SP5: variants seen among roughly 807,000 people sequenced by gnomAD.
The protein encoded by SP5 is transcription factor Sp5.
A neutral mutation model predicts 27.4 loss-of-function variants in SP5; 12 were observed. That is an observed-to-expected ratio of 0.44 (90% confidence interval 0.28 to 0.71). SP5 has a LOEUF of 0.71. Among genes scored for constraint, SP5 ranks in the 30% least tolerant of loss-of-function variants. SP5 has a pLI of 0.15. For synonymous variants in SP5, 330 were observed against 290.7 expected (o/e 1.14, Z -1.38); for missense variants, 660 against 589.8 (o/e 1.12, Z -1.23).
Position 170,717,384 on chromosome 2 carries a change from G to T in SP5, c.1177G>T (p.Glu393Ter). 1.2e-6 allele frequency: 2 copies of T among 1,611,124 alleles called. No homozygotes were observed. The highest frequency in any genetic ancestry group is 1.7e-6 in the Non-Finnish European group (2 of 1,179,978). ...AGTCGCTGAGGCCGGGGTTAAGCGG[G>T]AGGACGCGCGGGACCTGTGAGCCCT... is the stretch of plus-strand genomic sequence containing the variant. ...LKVAEAGVKR[E>*]DARDL Residue 393 changes from glutamate (E) to a stop codon, truncating the protein, a stop_gained, in exon 2 of 2, where the codon GAG becomes TAG. Transcript: ENST00000375281. LOFTEE classifies it high-confidence loss of function.
In SP5 at chr2:170,717,574, A is replaced by G. The variant is rs1320761403; in HGVS notation, c.*170A>G. On this transcript the variant is annotated 3_prime_UTR_variant, in exon 2 of 2. Coordinates refer to ENST00000375281, the MANE Select transcript of SP5 (RefSeq NM_001003845.3). Reference sequence around the variant, plus strand: ...CTTCGGACATAGGGACCCAGTTCCCAGGAGCGGGGAGGTAGGGTTGGGGCT... The same window carrying G: ...CTTCGGACATAGGGACCCAGTTCCCGGGAGCGGGGAGGTAGGGTTGGGGCT... 1 of 866,360 alleles carries G rather than the reference A, an allele frequency of 1.2e-6. No homozygotes were observed. Among genetic ancestry groups the G allele is most frequent in the Non-Finnish European group, 1.7e-6 (1 of 577,274 alleles). The allele number at this position is 866,360 out of a possible 1,614,324, so 53.7% of individuals were successfully genotyped here.
chr2:170,717,617 A>G lies in SP5; in HGVS notation c.*213A>G. On this transcript the variant is annotated 3_prime_UTR_variant, in exon 2 of 2. Transcript: ENST00000375281. ...TTGGGGCTGGGGCATTTGGATTGTA[A>G]TTGGGAGCTCTGCCGTACGCCAGGG... 1 of 657,450 alleles carries G rather than the reference A, an allele frequency of 1.5e-6. No homozygotes were observed. The highest frequency in any genetic ancestry group is 2.0e-5 in the South Asian group (1 of 50,724). 40.7% of individuals were successfully genotyped at this position (657,450 alleles called of 1,614,324 possible). A position where few individuals can be genotyped will look rare whatever the true frequency, so the allele number is the denominator to read the frequency against.
intron 1 of SP5, chr2:170,715,901 G>C: frequency 7.5e-7 from 1 of 1,331,406 alleles, no homozygotes; most frequent in Non-Finnish European, 9.5e-7. Context: ...AGGGAGAGCG[G>C]CCGGCCGGCG....
At chr2:170,716,025 C>T (rs1700057269) in intron 1 of SP5, 1 of 1,381,658 alleles carries the variant, frequency 7.2e-7, no homozygotes, top group African/African-American at 1.5e-5. Context: ...CGTCTCAGTG[C>T]ACCAAGTAGT....
At position 170,715,653 on chromosome 2, in the gene SP5, G is replaced by A. The variant is rs1288363103; in HGVS notation, c.51+90G>A. 1.5e-5 allele frequency: 22 copies of A among 1,475,176 alleles called. No individual in the cohort carries two copies. The East Asian group carries it at 6.1e-4, about 41-fold the overall frequency. The allele number at this position is 1,475,176 out of a possible 1,614,324, so 91.4% of individuals were successfully genotyped here. On this transcript the variant is annotated intron_variant, in intron 1 of 1. Coordinates refer to ENST00000375281, the MANE Select transcript of SP5 (RefSeq NM_001003845.3). ...TACTCCGTGCACCTTGAACCTCAAA[G>A]GGAACCCCGCCGATGGGTGCAGCTG...
Position 170,716,582 on chromosome 2 carries a change from C to T in SP5, c.375C>T (p.Phe125=). 6.2e-7 allele frequency: 1 copy of T among 1,610,392 alleles called. No individual in the cohort carries two copies. The highest frequency in any genetic ancestry group is 1.7e-5 in the Admixed American group (1 of 59,900). ...PPADPSYPYE[F]SPVKMLPSSM... ...CCGACCCCTCGTACCCCTACGAGTT[C>T]TCGCCGGTCAAGATGCTGCCCTCGA... The change falls in exon 2 of 2, where the codon TTC becomes TTT. Residue 125 remains phenylalanine (F), a synonymous_variant. Transcript: ENST00000375281.
In SP5 at chr2:170,717,047, G is replaced by A. The variant is rs1700086661; in HGVS notation, c.840G>A (p.Gln280=). The A allele has an allele frequency of 6.5e-7, 1 of 1,549,028 alleles. No homozygotes were observed. Among genetic ancestry groups the A allele is most frequent in the Non-Finnish European group, 8.7e-7 (1 of 1,147,206 alleles). Residue 280 remains glutamine (Q), a synonymous_variant, in exon 2 of 2, where the codon CAG becomes CAA. Coordinates refer to ENST00000375281, the MANE Select transcript of SP5 (RefSeq NM_001003845.3). The part of the protein sequence containing the change: ...RCRRCRCPNC[Q]AAGGAPEAEP... ...GCCGCTGCCGCTGTCCCAACTGCCA[G>A]GCGGCGGGCGGCGCCCCCGAGGCGG...
At position 170,715,350 on chromosome 2, in the gene SP5, G is replaced by T; in HGVS notation, c.-163G>T. On this transcript the variant is annotated 5_prime_UTR_variant, in exon 1 of 2. Transcript: ENST00000375281. ...CCTGAAGCGCTCAGACCGCGCGCGG[G>T]GCGAGCGAGCGGGGCGCGGCGAGGG... The T allele has an allele frequency of 1.1e-6, 1 of 891,626 alleles. No homozygotes were observed. The highest frequency in any genetic ancestry group is 1.6e-6 in the Non-Finnish European group (1 of 641,572). The allele number at this position is 891,626 out of a possible 1,614,324, so 55.2% of individuals were successfully genotyped here.
At chr2:170,715,761 G>T in intron 1 of SP5, 198 bp downstream of exon 1, 1 of 985,474 alleles carries the variant, frequency 1.0e-6, no homozygotes, top group Non-Finnish European at 1.2e-6. Flanking sequence ...ATCCGGGATT[G>T]TTCGGAGGTG....
At position 170,717,611 on chromosome 2, in the gene SP5, A is replaced by T. The variant is rs1463137096; in HGVS notation, c.*207A>T. 1 of 684,490 alleles carries T rather than the reference A, an allele frequency of 1.5e-6. No homozygotes were observed. Among genetic ancestry groups the T allele is most frequent in the Non-Finnish European group, 2.4e-6 (1 of 415,824 alleles). The allele number at this position is 684,490 out of a possible 1,614,324, so 42.4% of individuals were successfully genotyped here. The stretch of plus-strand genomic sequence containing the variant: ...GTAGGGTTGGGGCTGGGGCATTTGG[A>T]TTGTAATTGGGAGCTCTGCCGTACG... On this transcript the variant is annotated 3_prime_UTR_variant, in exon 2 of 2. Coordinates refer to ENST00000375281, the MANE Select transcript of SP5 (RefSeq NM_001003845.3).
At chr2:170,716,009 G>C (rs1430231870) in intron 1 of SP5, 3 of 1,372,332 alleles carry the variant, frequency 2.2e-6, no homozygotes, top group East Asian at 3.0e-5. Context: ...CTCTAAGGCT[G>C]GATGGCGTCT....
In SP5 at chr2:170,715,365, C is replaced by A. The variant is rs1463407074; in HGVS notation, c.-148C>A. On this transcript the variant is annotated 5_prime_UTR_variant, in exon 1 of 2. Coordinates refer to ENST00000375281, the MANE Select transcript of SP5 (RefSeq NM_001003845.3). ...CCGCGCGCGGGGCGAGCGAGCGGGG[C>A]GCGGCGAGGGGCAAGGGCGGGGAGG... is the stretch of plus-strand genomic sequence containing the variant. 1.1e-5 allele frequency: 11 copies of A among 1,042,018 alleles called. No individual in the cohort carries two copies. Among genetic ancestry groups the A allele is most frequent in the Non-Finnish European group, 1.3e-5 (10 of 776,382 alleles). 64.5% of individuals were successfully genotyped at this position (1,042,018 alleles called of 1,614,324 possible). A position where few individuals can be genotyped will look rare whatever the true frequency, so the allele number is the denominator to read the frequency against.
chr2:170,715,659 C>A, intron 1 of SP5, 96 bp downstream of exon 1: 1 of 1,475,914 alleles, frequency 6.8e-7, no homozygotes, highest in Non-Finnish European at 9.0e-7. Flanking sequence ...CAAAGGGAAC[C>A]CCGCCGATGG....
chr2:170,717,437 C>T lies in SP5; in HGVS notation c.*33C>T, dbSNP rs1331200724. 2 of 1,603,848 alleles carry T rather than the reference C, an allele frequency of 1.2e-6. No homozygotes were observed. The highest frequency in any genetic ancestry group is 1.7e-6 in the Non-Finnish European group (2 of 1,178,318). On this transcript the variant is annotated 3_prime_UTR_variant, in exon 2 of 2. Transcript: ENST00000375281. ...CGGAGGTGGACCCCCTTCCCAGCAC[C>T]TCTGCGAGAGATCCGGGGACCTGTG...
intron 1 of SP5, chr2:170,716,054 G>A: frequency 2.2e-6 from 3 of 1,393,468 alleles, no homozygotes; most frequent in Non-Finnish European, 2.8e-6. Context: ...AAGCGCTCGC[G>A]GGCCCCACGT....
Position 170,717,479 on chromosome 2 carries a change from G to A in SP5, c.*75G>A. On this transcript the variant is annotated 3_prime_UTR_variant, in exon 2 of 2. Coordinates refer to ENST00000375281, the MANE Select transcript of SP5 (RefSeq NM_001003845.3). ...GGACCTGTGGGCAGCTGGCGGAGGG[G>A]AGACTCAGCAGACGGACCCTCTCCG... 6.4e-7 allele frequency: 1 copy of A among 1,554,282 alleles called. No individual in the cohort carries two copies. The highest frequency in any genetic ancestry group is 1.2e-5 in the South Asian group (1 of 85,620).
In SP5 at chr2:170,716,311, T is replaced by C; in HGVS notation, c.104T>C (p.Leu35Ser). The change falls in exon 2 of 2, where the codon TTG (leucine) becomes TCG (serine). Residue 35 changes from leucine to serine, a missense_variant. Leu to Ser is a moderately radical substitution (Grantham distance 145). Coordinates refer to ENST00000375281, the MANE Select transcript of SP5 (RefSeq NM_001003845.3). Reference sequence around the variant, plus strand: ...CTGGGCAAGCACTCGCCCCTGGCATTGCTGGCCGCCACCTGTAGCCGCATC... The same window carrying C: ...CTGGGCAAGCACTCGCCCCTGGCATCGCTGGCCGCCACCTGTAGCCGCATC... Reference protein sequence around the residue: ...PDLGKHSPLALLAATCSRIGQ... With the variant: ...PDLGKHSPLASLAATCSRIGQ... 5 of 1,596,044 alleles carry C rather than the reference T, an allele frequency of 3.1e-6. No homozygotes were observed. The highest frequency in any genetic ancestry group is 4.2e-6 in the Non-Finnish European group (5 of 1,179,180).
chr2:170,716,096 G>C lies in SP5; in HGVS notation c.52-163G>C, dbSNP rs934449347. On this transcript the variant is annotated intron_variant, in intron 1 of 1. Transcript: ENST00000375281. ...AGCGCAGGCACCAAAAGTTTCCCTC[G>C]GCCGGTGGGTGCGTGCGTGGGGTGC... 7 of 1,402,384 alleles carry C rather than the reference G, an allele frequency of 5.0e-6. No homozygotes were observed. The South Asian group carries it at 6.4e-5, about 13-fold the overall frequency. The allele number at this position is 1,402,384 out of a possible 1,614,324, so 86.9% of individuals were successfully genotyped here. A position where few individuals can be genotyped will look rare whatever the true frequency, so the allele number is the denominator to read the frequency against.
rs538142152 is a variant in SP5, at chr2:170,717,504, G to A, written c.*100G>A. ...GAGACTCAGCAGACGGACCCTCTCC[G>A]TTGCCTGCCTCCCAAAATGGAGCCA... On this transcript the variant is annotated 3_prime_UTR_variant, in exon 2 of 2. Coordinates refer to ENST00000375281, the MANE Select transcript of SP5 (RefSeq NM_001003845.3). The A allele has an allele frequency of 2.4e-5, 34 of 1,445,260 alleles. No homozygotes were observed. The highest frequency in any genetic ancestry group is 2.9e-5 in the Non-Finnish European group (31 of 1,079,908). The allele number at this position is 1,445,260 out of a possible 1,614,324, so 89.5% of individuals were successfully genotyped here.
Sources: gnomAD v4.1 joint callset for allele counts on GRCh38, gnomAD v4.1.1 for gene constraint, MANE v1.5 for transcripts, NCBI Gene and HGNC (gene_info 2026-07-23, HGNC 2026-07-21) for gene names.